TBC1D4: variants seen among roughly 807,000 people sequenced by gnomAD.
The protein encoded by TBC1D4 is TBC1 domain family member 4.
TBC1D4 carries 121 observed loss-of-function variants against 142.5 expected under a neutral mutation model. The ratio of observed to expected loss-of-function variants is 0.85; its 90% confidence interval spans 0.73 to 0.99. TBC1D4 has a LOEUF of 0.99. Among genes scored for constraint, TBC1D4 ranks in the 50% least tolerant of loss-of-function variants. The pLI is 0.00. For missense variants in TBC1D4, 1,475 were observed against 1,606.6 expected (o/e 0.92, Z 1.40); for synonymous variants, 630 against 628.2 (o/e 1.00, Z -0.04).
At chr13:75,453,718 C>T (rs2138251232) in intron 1 of TBC1D4, among the ~76,000 whole-genome samples, 1 of 152,074 alleles carries the variant, frequency 6.6e-6, no homozygotes, top group South Asian at 2.1e-4. Flanking sequence ...AAAAATTAGC[C>T]AGGGGTGGTG....
intron 1 of TBC1D4, among the ~76,000 whole-genome samples, chr13:75,454,367 A>G (rs1887645905): frequency 6.6e-6 from 1 of 152,222 alleles, no homozygotes; most frequent in African/African-American, 2.4e-5. Flanking sequence ...CTGAAATGTT[A>G]TTTAAAATAC....
At chr13:75,422,270 G>GGA (rs1555319970) in intron 1 of TBC1D4, among the ~76,000 whole-genome samples, 15 of 146,490 alleles carry the variant, frequency 1.0e-4, no homozygotes, top group African/African-American at 3.7e-4. Flanking sequence ...AACTGGCTGT[G>GGA]AAAAAAAAAA....
intron 15 of TBC1D4, among the ~76,000 whole-genome samples, chr13:75,303,697 T>A (rs1407250836): frequency 6.6e-6 from 1 of 152,236 alleles, no homozygotes; most frequent in Non-Finnish European, 1.5e-5. Flanking sequence ...GCTGAAAGTA[T>A]TATTGTCCGA....
At chr13:75,408,445 C>T (rs9530434) in intron 1 of TBC1D4, among the ~76,000 whole-genome samples, 128,923 of 152,176 alleles carry the variant, frequency 0.85, 54,805 homozygotes, top group East Asian at 0.97. Flanking sequence ...TGGTATAAAT[C>T]TAGGGGGTAT....
intron 5 of TBC1D4, among the ~76,000 whole-genome samples, chr13:75,346,371 C>A (rs1340968883): frequency 6.6e-6 from 1 of 151,954 alleles, no homozygotes; most frequent in Non-Finnish European, 1.5e-5. Context: ...TTGTTCAACT[C>A]CCACTTATGA....
intron 1 of TBC1D4, among the ~76,000 whole-genome samples, chr13:75,431,230 C>T (rs1260485354): frequency 6.6e-6 from 1 of 152,140 alleles, no homozygotes; most frequent in Non-Finnish European, 1.5e-5. Flanking sequence ...TCATTATGAA[C>T]AACCTGAGTT....
At chr13:75,402,040 G>C (rs1885117575) in intron 1 of TBC1D4, among the ~76,000 whole-genome samples, 1 of 151,914 alleles carries the variant, frequency 6.6e-6, no homozygotes, top group African/African-American at 2.4e-5. Flanking sequence ...TGCATCTAAT[G>C]CAAAGCTGTA....
intron 1 of TBC1D4, among the ~76,000 whole-genome samples, chr13:75,420,170 T>C (rs909910331): frequency 6.6e-6 from 1 of 152,158 alleles, no homozygotes; most frequent in African/African-American, 2.4e-5. Context: ...AGAAGTTAGA[T>C]GCTGCCATCT....
chr13:75,408,377 C>T (rs1361488129), intron 1 of TBC1D4, among the ~76,000 whole-genome samples: 1 of 152,054 alleles, frequency 6.6e-6, no homozygotes, highest in Non-Finnish European at 1.5e-5. Context: ...GGGTTGTTTC[C>T]ATTTTTTGGC....
At chr13:75,376,494 C>G (rs1442471440) in intron 1 of TBC1D4, among the ~76,000 whole-genome samples, 2 of 152,006 alleles carry the variant, frequency 1.3e-5, no homozygotes, top group Non-Finnish European at 2.9e-5. Context: ...TCTCCTGCCT[C>G]AGCCTTCTAA....
chr13:75,311,368 T>G (rs1877734770), intron 13 of TBC1D4, among the ~76,000 whole-genome samples: 2 of 152,218 alleles, frequency 1.3e-5, no homozygotes, highest in African/African-American at 4.8e-5. Context: ...TCTGACCACC[T>G]CGGGCAGAGT....
intron 1 of TBC1D4, among the ~76,000 whole-genome samples, chr13:75,422,247 T>A (rs545194501): frequency 1.3e-5 from 2 of 151,608 alleles, no homozygotes; most frequent in East Asian, 1.9e-4. Flanking sequence ...ACCAGAAAAA[T>A]ACAGTGTTAA....
chr13:75,317,818 A>G (rs976268440), intron 12 of TBC1D4, among the ~76,000 whole-genome samples: 1 of 152,204 alleles, frequency 6.6e-6, no homozygotes, highest in African/African-American at 2.4e-5. Flanking sequence ...ACCACTCACC[A>G]GTTAATTAAG....
Position 75,362,218 on chromosome 13 carries a change from G to C in TBC1D4, c.888C>G (p.Phe296Leu). ...CAGAATCTTCCAAAATCCGCTCAGG[G>C]AAGCAGACCCGAGAGCTGGTCAGGG... ...QPALTSSRVC[F>L]PERILEDSGF... The change falls in exon 2 of 21, where the codon TTC becomes TTG. Residue 296 changes from phenylalanine to leucine, a missense_variant. By Grantham distance (22) the Phe-to-Leu change is conservative (BLOSUM62 0). Around this residue, in one of 2 missense-constraint regions of TBC1D4, gnomAD observed 1,227 missense variants for 1,267.7 expected, o/e 0.97. Transcript: ENST00000377636. The surrounding 1 kb of genome is among the most constrained non-coding windows in gnomAD (Gnocchi z 4.2). 1 of 1,613,886 alleles carries C rather than the reference G, an allele frequency of 6.2e-7. No homozygotes were observed. Among genetic ancestry groups the C allele is most frequent in the Non-Finnish European group, 8.5e-7 (1 of 1,179,986 alleles).
Position 75,349,631 on chromosome 13 carries a change from T to C in TBC1D4, c.1276-329A>G, listed in dbSNP as rs200719929. 4.6e-5 allele frequency among the ~76,000 whole-genome samples: 7 copies of C among 152,362 alleles called. No homozygotes were observed. In the East Asian group the frequency reaches 1.3e-3, roughly 29 times the overall value. On this transcript the variant is annotated intron_variant, in intron 4 of 20. Transcript: ENST00000377636. The stretch of plus-strand genomic sequence containing the variant: ...AATCCTTCTGTTTAATTATATGCTT[T>C]ATCAGATAAAGATCCTTTTGGAAGT...
At chr13:75,470,964 T>C (rs73221961) in intron 1 of TBC1D4, among the ~76,000 whole-genome samples, 10,017 of 150,234 alleles carry the variant, frequency 0.067, 381 homozygotes, top group Admixed American at 0.11. Flanking sequence ...CCAGCCCAGG[T>C]GACAAAGTGA....
rs561282297 is a variant in TBC1D4, at chr13:75,441,019, G to A, written c.498+40251C>T. On this transcript the variant is annotated intron_variant, in intron 1 of 20. Coordinates refer to ENST00000377636, the MANE Select transcript of TBC1D4 (RefSeq NM_014832.5). The stretch of plus-strand genomic sequence containing the variant: ...CGCCTGTAATTCCAACACTTTGGGA[G>A]GCCAAGGCAGGTGGATCATGAGGTC... 3.4e-4 allele frequency among the ~76,000 whole-genome samples: 52 copies of A among 152,266 alleles called. 2 individuals carry two copies. The South Asian group carries it at 0.011, about 32-fold the overall frequency.
chr13:75,390,153 G>A (rs983849066), intron 1 of TBC1D4, among the ~76,000 whole-genome samples: 4 of 151,596 alleles, frequency 2.6e-5, no homozygotes, highest in Non-Finnish European at 4.4e-5. Context: ...GGCGGCGGGC[G>A]CCTGTAATCC....
rs532560902 is a variant in TBC1D4 at position 75,283,617 on chromosome 13, G to A, written c.*3175C>T. 2.4e-4 allele frequency among the ~76,000 whole-genome samples: 37 copies of A among 152,168 alleles called. No homozygotes were observed. The highest frequency in any genetic ancestry group is 1.4e-3 in the Admixed American group (22 of 15,286). On this transcript the variant is annotated 3_prime_UTR_variant, in exon 21 of 21. Transcript: ENST00000377636. ...ATGTCCTTAATTCTTAATTATCTGC[G>A]TCCAGTTGGAAAATTTTGTATTTTC...
Sources: allele counts gnomAD v4.1 joint callset (sites outside exome capture counted in the v4.1 genomes callset), GRCh38; gene constraint gnomAD v4.1.1; regional missense constraint gnomAD v4.1.1; non-coding constraint Gnocchi (gnomAD v3.1); transcripts MANE v1.5; gene names NCBI Gene and HGNC (gene_info 2026-07-23, HGNC 2026-07-21).